The following CDH8 variants were observed in gnomAD, a reference collection of about 807,000 sequenced individuals.
CDH8 encodes the protein cadherin 8.
Under a neutral mutation model 68.1 loss-of-function variants are expected in CDH8, and 17 were observed. That is an observed-to-expected ratio of 0.25 (90% confidence interval 0.17 to 0.37). CDH8 has a LOEUF of 0.37. Ranked by LOEUF, CDH8 falls within the 10% of genes least tolerant of loss-of-function variation. CDH8 has a pLI of 1.00. For missense variants in CDH8, 763 were observed against 999.3 expected (o/e 0.76, Z 3.19); for synonymous variants, 372 against 365.1 (o/e 1.02, Z -0.21).
At chr16:62,028,639 T>A (rs1902252200) in intron 1 of CDH8, among the ~76,000 whole-genome samples, 1 of 152,126 alleles carries the variant, frequency 6.6e-6, no homozygotes, top group Non-Finnish European at 1.5e-5. Context: ...ACCAGACCTT[T>A]ACTTAGAAAA....
chr16:61,714,778 GT>G (rs1383740554), intron 9 of CDH8, among the ~76,000 whole-genome samples: 1 of 151,628 alleles, frequency 6.6e-6, no homozygotes, highest in Non-Finnish European at 1.5e-5. Flanking sequence ...TGTAGGAAAA[GT>G]TTGAATGTAT....
chr16:61,810,598 A>G (rs936865673), intron 7 of CDH8, among the ~76,000 whole-genome samples: 1 of 152,212 alleles, frequency 6.6e-6, no homozygotes, highest in South Asian at 2.1e-4. Context: ...TATTTTCACT[A>G]TAACATTATT....
At chr16:61,792,665 A>G (rs1160920659) in intron 7 of CDH8, among the ~76,000 whole-genome samples, 1 of 152,044 alleles carries the variant, frequency 6.6e-6, no homozygotes, top group Non-Finnish European at 1.5e-5. Context: ...AACCAGAATG[A>G]ATACTCGCTT....
chr16:61,734,910 C>T lies in CDH8; in HGVS notation c.1415-7695G>A, dbSNP rs147551258. Among the ~76,000 whole-genome samples the T allele has an allele frequency of 5.6e-3, 856 of 152,166 alleles. 9 individuals carry two copies. The highest frequency in any genetic ancestry group is 0.01 in the Non-Finnish European group (690 of 67,996). On this transcript the variant is annotated intron_variant, in intron 8 of 11. Transcript: ENST00000577390. Reference sequence around the variant, plus strand: ...AAATGTATTCCTTTACACTCTCACACTTGGAAGTCAGAAGTCCAAAATCAA... The same window carrying T: ...AAATGTATTCCTTTACACTCTCACATTTGGAAGTCAGAAGTCCAAAATCAA...
intron 4 of CDH8, among the ~76,000 whole-genome samples, chr16:61,838,368 GTTCCACCTTTCCT>G (rs1962612392): frequency 6.6e-6 from 1 of 152,096 alleles, no homozygotes; most frequent in African/African-American, 2.4e-5. Context: ...GGATATTGAA[GTTCCACCTTTCCT>G]AACTGTCTGC....
chr16:61,648,235 A>C lies in CDH8; in HGVS notation c.*5373T>G. ...CTGAACTTCATTTTTCCTATCCATA[A>C]AACACTACAATTTGGCAAACCTAGA... On this transcript the variant is annotated 3_prime_UTR_variant, in exon 12 of 12. Transcript: ENST00000577390. 1 of 162,136 alleles carries C rather than the reference A, an allele frequency of 6.2e-6. No homozygotes were observed. Among genetic ancestry groups the C allele is most frequent in the Non-Finnish European group, 1.3e-5 (1 of 74,988 alleles). 10.0% of individuals were successfully genotyped at this position (162,136 alleles called of 1,614,324 possible).
chr16:61,895,961 A>T (rs1251448087), intron 3 of CDH8, among the ~76,000 whole-genome samples: 2 of 152,074 alleles, frequency 1.3e-5, no homozygotes, highest in Non-Finnish European at 2.9e-5. Flanking sequence ...AAGAAGTCAG[A>T]TTTGGAGCCA....
Position 61,681,567 on chromosome 16 carries a change from T to G in CDH8, c.1655-25846A>C, listed in dbSNP as rs199708424. ...AATGAGCAAGAAGGTTTTTTTTTTT[T>G]GAGGTGATAGAAATGTTCTAAGATT... is the stretch of plus-strand genomic sequence containing the variant. On this transcript the variant is annotated intron_variant, in intron 10 of 11. Transcript: ENST00000577390. Among the ~76,000 whole-genome samples, 5 of 151,780 alleles carry G rather than the reference T, an allele frequency of 3.3e-5. No homozygotes were observed. The East Asian group carries it at 9.7e-4, about 29-fold the overall frequency.
At chr16:61,685,133 T>C (rs932476375) in intron 10 of CDH8, among the ~76,000 whole-genome samples, 2 of 146,452 alleles carry the variant, frequency 1.4e-5, no homozygotes, top group Admixed American at 6.9e-5. Context: ...GAATTGAGAA[T>C]AGAGAGAAGT....
chr16:61,699,047 C>T (rs1964376293), intron 10 of CDH8, among the ~76,000 whole-genome samples: 1 of 152,158 alleles, frequency 6.6e-6, no homozygotes, highest in Admixed American at 6.5e-5. Context: ...AGTTTAACCC[C>T]TTAAACTCCA....
intron 7 of CDH8, among the ~76,000 whole-genome samples, chr16:61,810,894 C>T (rs1032198587): frequency 2.0e-5 from 3 of 151,788 alleles, no homozygotes; most frequent in African/African-American, 7.3e-5. Flanking sequence ...TATGGTGGTG[C>T]ATGCCTGTGT....
In CDH8 at chr16:61,876,123, C is replaced by T. The variant is rs146956997; in HGVS notation, c.548-18885G>A. On this transcript the variant is annotated intron_variant, in intron 3 of 11. Coordinates refer to ENST00000577390, the MANE Select transcript of CDH8 (RefSeq NM_001796.5). ...ATCTCCTGACCTCGTGATCCACCCG[C>T]CTCAGCCTCCCAAAGTACTGGAATT... 7.8e-3 allele frequency among the ~76,000 whole-genome samples: 1,188 copies of T among 152,232 alleles called. 18 individuals are homozygous for T. Among genetic ancestry groups the T allele is most frequent in the African/African-American group, 0.027 (1,116 of 41,544 alleles).
chr16:61,842,064 T>TC (rs1371557849), intron 4 of CDH8, among the ~76,000 whole-genome samples: 2 of 150,162 alleles, frequency 1.3e-5, no homozygotes, highest in Admixed American at 6.6e-5. Flanking sequence ...ATTTTTTTTT[T>TC]TTTTTTTGTA....
chr16:62,014,724 G>A (rs1901894920), intron 2 of CDH8, among the ~76,000 whole-genome samples: 1 of 152,152 alleles, frequency 6.6e-6, no homozygotes, highest in Admixed American at 6.5e-5. Context: ...AAATGAGTCA[G>A]TGCCTTGGAG....
At chr16:61,702,813 T>C (rs1964458792) in intron 10 of CDH8, among the ~76,000 whole-genome samples, 3 of 152,236 alleles carry the variant, frequency 2.0e-5, no homozygotes, top group Admixed American at 1.3e-4. Context: ...AATGCAGCTT[T>C]AGCAGCTTGG....
At chr16:61,976,939 C>T (rs561011315) in intron 2 of CDH8, among the ~76,000 whole-genome samples, 13 of 152,214 alleles carry the variant, frequency 8.5e-5, no homozygotes, top group African/African-American at 2.2e-4. Context: ...GAAAACAGTG[C>T]GGAATGCAGA....
chr16:62,029,535 G>A (rs1286304636), intron 1 of CDH8, among the ~76,000 whole-genome samples: 13 of 152,108 alleles, frequency 8.5e-5, no homozygotes, highest in Admixed American at 7.2e-4. Context: ...TGTCCAGAAC[G>A]AACCACATCT....
chr16:61,960,009 T>C lies in CDH8; in HGVS notation c.253-58536A>G, dbSNP rs1214174742. 6.1e-5 allele frequency among the ~76,000 whole-genome samples: 5 copies of C among 82,554 alleles called. 1 individual carries two copies. Among genetic ancestry groups the C allele is most frequent in the Non-Finnish European group, 1.1e-4 (5 of 46,994 alleles). 54.2% of individuals were successfully genotyped at this position (82,554 alleles called of 152,430 possible). ...GTATATATATATATATATATATATA[T>C]ATATATACACACATACACACACACA... On this transcript the variant is annotated intron_variant, in intron 2 of 11. Coordinates refer to ENST00000577390, the MANE Select transcript of CDH8 (RefSeq NM_001796.5).
intron 8 of CDH8, among the ~76,000 whole-genome samples, chr16:61,750,411 A>G (rs1960131019): frequency 1.3e-5 from 2 of 152,104 alleles, no homozygotes; most frequent in South Asian, 4.1e-4. Flanking sequence ...TAAAACAAAC[A>G]TTGCATTTCA....
Sources: allele counts gnomAD v4.1 joint callset (sites outside exome capture counted in the v4.1 genomes callset), GRCh38; gene constraint gnomAD v4.1.1; transcripts MANE v1.5; gene names NCBI Gene and HGNC (gene_info 2026-07-23, HGNC 2026-07-21).